MAGI2: variants seen among roughly 807,000 people sequenced by gnomAD.
MAGI2 encodes the protein membrane associated guanylate kinase, WW and PDZ domain containing 2, also known as membrane-associated guanylate kinase, WW and PDZ domain-containing protein 2.
In MAGI2, 35 loss-of-function variants were observed where a neutral mutation model predicts 133.3. The ratio of observed to expected loss-of-function variants is 0.26; its 90% CI spans 0.20 to 0.35. The LOEUF (loss-of-function observed/expected upper bound fraction) is 0.35. Among genes scored for constraint, MAGI2 ranks in the 10% least tolerant of loss-of-function variants. MAGI2 has a pLI of 1.00. For synonymous variants in MAGI2, 729 were observed against 710.6 expected, an observed-to-expected ratio of 1.03 and a Z score of -0.41; for missense variants, 1,636 against 1,863.4, an observed-to-expected ratio of 0.88 and a Z score of 2.25.
intron 1 of MAGI2, among the ~76,000 whole-genome samples, chr7:79,165,783 C>T (rs932923307): frequency 2.0e-5 from 3 of 151,998 alleles, no homozygotes; most frequent in Non-Finnish European, 2.9e-5. Context: ...TCATAGCTTA[C>T]TTTTTTACAA....
At chr7:79,316,437 T>TTA (rs1347009948) in intron 1 of MAGI2, among the ~76,000 whole-genome samples, 2 of 152,176 alleles carry the variant, frequency 1.3e-5, no homozygotes, top group Non-Finnish European at 2.9e-5. Flanking sequence ...ATATGCTATT[T>TTA]TATATATATA....
chr7:78,857,423 T>G lies in MAGI2; in HGVS notation c.418+149667A>C, dbSNP rs565128264. On this transcript the variant is annotated intron_variant, in intron 2 of 21. Coordinates refer to ENST00000354212, the MANE Select transcript of MAGI2 (RefSeq NM_012301.4). ...ATAGCTCTTACTATTTTGAGATACT[T>G]CCCATCAATACCTAATTTATTGAGA... Among the ~76,000 whole-genome samples the G allele has an allele frequency of 3.3e-5, 5 of 152,312 alleles. 1 individual carries two copies. In the South Asian group the frequency reaches 1.0e-3, roughly 32 times the overall value.
chr7:79,343,548 TA>T (rs10574791), intron 1 of MAGI2, among the ~76,000 whole-genome samples: 83,732 of 149,652 alleles, frequency 0.56, 23,617 homozygotes, highest in Non-Finnish European at 0.6. Flanking sequence ...GTATTTTCTT[TA>T]AAAAAAAAAA....
At chr7:78,321,010 C>G (rs1562817839) in intron 9 of MAGI2, among the ~76,000 whole-genome samples, 1 of 152,124 alleles carries the variant, frequency 6.6e-6, no homozygotes, top group African/African-American at 2.4e-5. Context: ...GAGTGAACTC[C>G]CATTCACAAT....
intron 1 of MAGI2, among the ~76,000 whole-genome samples, chr7:79,131,180 T>G (rs961492913): frequency 4.6e-5 from 7 of 152,110 alleles, no homozygotes; most frequent in Non-Finnish European, 1.0e-4. Context: ...AAAAGCAGGG[T>G]CCAACATCTC....
At chr7:79,292,502 T>A (rs1237022596) in intron 1 of MAGI2, among the ~76,000 whole-genome samples, 1 of 151,522 alleles carries the variant, frequency 6.6e-6, no homozygotes, top group East Asian at 1.9e-4. Flanking sequence ...TCTGGTGGCA[T>A]GTGCCTGTAA....
chr7:78,534,740 TGTAGTCTG>T (rs1350340210), intron 3 of MAGI2, among the ~76,000 whole-genome samples: 1 of 152,168 alleles, frequency 6.6e-6, no homozygotes, highest in Non-Finnish European at 1.5e-5. Flanking sequence ...TGATGACCAA[TGTAGTCTG>T]GTCATTTCCT....
At chr7:78,720,913 T>G (rs1820206884) in intron 2 of MAGI2, among the ~76,000 whole-genome samples, 1 of 152,082 alleles carries the variant, frequency 6.6e-6, no homozygotes, top group Non-Finnish European at 1.5e-5. Context: ...TTGTTCCTTC[T>G]GGGGAAATTC....
At chr7:79,381,303 G>A (rs1260833501) in intron 1 of MAGI2, among the ~76,000 whole-genome samples, 1 of 151,368 alleles carries the variant, frequency 6.6e-6, no homozygotes, top group Admixed American at 6.6e-5. Flanking sequence ...TTTTCTAAAG[G>A]GAAATCTATA....
chr7:79,026,653 G>T (rs2116751486), intron 1 of MAGI2, among the ~76,000 whole-genome samples: 1 of 152,132 alleles, frequency 6.6e-6, no homozygotes, highest in South Asian at 2.1e-4. Flanking sequence ...CGAGCAGATT[G>T]CCTGAGCTCA....
intron 10 of MAGI2, among the ~76,000 whole-genome samples, chr7:78,222,726 A>T (rs1197446304): frequency 6.6e-6 from 1 of 152,340 alleles, no homozygotes; most frequent in East Asian, 1.9e-4. Context: ...AAGCTTTGCC[A>T]TCTGATGCTT....
At chr7:78,238,973 T>C (rs1790846162) in intron 10 of MAGI2, among the ~76,000 whole-genome samples, 1 of 152,098 alleles carries the variant, frequency 6.6e-6, no homozygotes, top group African/African-American at 2.4e-5. Flanking sequence ...CCAACTTAGC[T>C]CCTTGTCATG....
At chr7:78,448,436 C>T (rs558834380) in intron 6 of MAGI2, among the ~76,000 whole-genome samples, 2 of 152,134 alleles carry the variant, frequency 1.3e-5, no homozygotes, top group African/African-American at 2.4e-5. Context: ...ACACCAGCAA[C>T]GAGGGGGCTC....
intron 6 of MAGI2, among the ~76,000 whole-genome samples, chr7:78,435,808 G>C (rs893497976): frequency 1.3e-5 from 2 of 152,118 alleles, no homozygotes; most frequent in Non-Finnish European, 2.9e-5. Flanking sequence ...CTTGCTAAAG[G>C]CAAAATAAAC....
At chr7:78,910,847 G>A (rs1219425531) in intron 2 of MAGI2, among the ~76,000 whole-genome samples, 1 of 152,084 alleles carries the variant, frequency 6.6e-6, no homozygotes, top group Admixed American at 6.6e-5. Context: ...TGTCTTATTA[G>A]GAAAGGAAAT....
At chr7:78,392,064 T>A (rs909195860) in intron 6 of MAGI2, among the ~76,000 whole-genome samples, 7 of 152,132 alleles carry the variant, frequency 4.6e-5, no homozygotes, top group Non-Finnish European at 2.9e-5. Flanking sequence ...GCATTTAACA[T>A]GCTAAATAAG....
At chr7:79,194,257 A>G (rs1368757011) in intron 1 of MAGI2, among the ~76,000 whole-genome samples, 1 of 152,024 alleles carries the variant, frequency 6.6e-6, no homozygotes, top group Non-Finnish European at 1.5e-5. Context: ...TTAAAGGCCT[A>G]CTAAAGTGAG....
intron 2 of MAGI2, among the ~76,000 whole-genome samples, chr7:78,633,904 T>C (rs894340068): frequency 6.6e-6 from 1 of 152,162 alleles, no homozygotes; most frequent in Non-Finnish European, 1.5e-5. Flanking sequence ...AAGGGCATTA[T>C]AAAAAGTAAA....
intron 12 of MAGI2, among the ~76,000 whole-genome samples, chr7:78,193,800 C>T (rs3807652): frequency 0.27 from 40,356 of 151,732 alleles, 5,595 homozygotes; most frequent in South Asian, 0.41. Context: ...TTCATTTTGA[C>T]ATTAATGATT....
Sources: gnomAD v4.1 joint callset for allele counts (sites outside exome capture counted in the v4.1 genomes callset) on GRCh38, gnomAD v4.1.1 for gene constraint, MANE v1.5 for transcripts, NCBI Gene and HGNC (gene_info 2026-07-23, HGNC 2026-07-21) for gene names.